FAM13A: variants seen among roughly 807,000 people sequenced by gnomAD.
FAM13A encodes the protein family with sequence similarity 13 member A, also known as protein FAM13A.
FAM13A carries 76 observed loss-of-function variants against 129.6 expected under a neutral mutation model. The observed-to-expected ratio is 0.59, with a 90% CI of 0.49 to 0.71. The LOEUF (loss-of-function observed/expected upper bound fraction) is 0.71, where lower values mean the gene tolerates loss of function less well. Ranked by LOEUF, FAM13A falls within the 30% of genes least tolerant of loss-of-function variation. The probability of loss-of-function intolerance (pLI) is 0.00; values close to 1 mark genes in which losing one functional copy is unlikely to be tolerated. For missense variants in FAM13A, 1,108 were observed against 1,249.3 expected (o/e 0.89, Z 1.70); for synonymous variants, 443 against 449.9 (o/e 0.98, Z 0.20).
At chr4:88,837,714 G>A (rs557250110) in intron 7 of FAM13A, among the ~76,000 whole-genome samples, 67 of 85,738 alleles carry the variant, frequency 7.8e-4, no homozygotes, top group Non-Finnish European at 4.2e-4. Flanking sequence ...GGGAAACTCC[G>A]TCTCAAAAAA....
chr4:88,778,560 C>A (rs1211363910), intron 11 of FAM13A, among the ~76,000 whole-genome samples: 22 of 152,194 alleles, frequency 1.4e-4, no homozygotes, highest in Non-Finnish European at 1.5e-5. Flanking sequence ...ATATAGCTGG[C>A]TCTTGTATTA....
chr4:88,954,454 G>A (rs1757425873), intron 4 of FAM13A, among the ~76,000 whole-genome samples: 1 of 152,202 alleles, frequency 6.6e-6, no homozygotes, highest in Non-Finnish European at 1.5e-5. Context: ...ACACTTCTAA[G>A]ATGCGTAAAC....
At chr4:88,937,987 C>A in intron 5 of FAM13A, 101 bp downstream of exon 5, 3 of 823,306 alleles carry the variant, frequency 3.6e-6, no homozygotes, top group Non-Finnish European at 6.0e-6. Flanking sequence ...GAATAATAAT[C>A]TGAGGGTTAT....
chr4:88,966,958 A>G (rs559071395), intron 4 of FAM13A, among the ~76,000 whole-genome samples: 1 of 152,228 alleles, frequency 6.6e-6, no homozygotes, highest in Non-Finnish European at 1.5e-5. Flanking sequence ...ATTATAGTAT[A>G]GATGTAAAGA....
At chr4:89,020,769 T>A (rs1767156216) in intron 2 of FAM13A, 100 bp from the exon 3 acceptor site, 1 of 752,544 alleles carries the variant, frequency 1.3e-6, no homozygotes. Flanking sequence ...AGCATATGAT[T>A]CTCTCAACAC....
At position 88,931,253 on chromosome 4, in the gene FAM13A, A is replaced by G. The variant is rs143818882; in HGVS notation, c.759+6835T>C. On this transcript the variant is annotated intron_variant, in intron 5 of 23. Transcript: ENST00000264344. ...GTATCTAGGCTACTCTCAAAGTGGC[A>G]TCCAGATGAGGCTGCTCTAGGCTTG... 4.4e-3 allele frequency among the ~76,000 whole-genome samples: 667 copies of G among 152,272 alleles called. 4 individuals are homozygous for G. Among genetic ancestry groups the G allele is most frequent in the African/African-American group, 0.015 (633 of 41,566 alleles).
rs150685238 is a variant in FAM13A at position 89,013,823 on chromosome 4, C to T, written c.427+6637G>A. Among the ~76,000 whole-genome samples the T allele has an allele frequency of 4.7e-3, 723 of 152,252 alleles. 1 individual carries two copies. The highest frequency in any genetic ancestry group is 8.3e-3 in the Non-Finnish European group (566 of 68,016). ...TTCATTCAAGGTCATTTTGTTCTAA[C>T]GCTGATGAGAAAAAAATAATCAATT... is the stretch of plus-strand genomic sequence containing the variant. On this transcript the variant is annotated intron_variant, in intron 3 of 23. Transcript: ENST00000264344.
chr4:88,735,946 C>T (rs1238465692), intron 21 of FAM13A, among the ~76,000 whole-genome samples: 1 of 151,872 alleles, frequency 6.6e-6, no homozygotes, highest in Non-Finnish European at 1.5e-5. Flanking sequence ...TTTGGTGAAA[C>T]CCTTATTAAG....
intron 9 of FAM13A, among the ~76,000 whole-genome samples, chr4:88,788,709 T>C (rs950507757): frequency 1.3e-5 from 2 of 152,134 alleles, no homozygotes; most frequent in Non-Finnish European, 1.5e-5. Context: ...ACCACATTAT[T>C]TCCAAATAAG....
intron 1 of FAM13A, among the ~76,000 whole-genome samples, chr4:89,055,681 G>A (rs1795733): frequency 0.59 from 89,150 of 151,968 alleles, 26,722 homozygotes; most frequent in Middle Eastern, 0.69. Flanking sequence ...CTGCAGTAAA[G>A]TAAAAGTCAG....
intron 4 of FAM13A, among the ~76,000 whole-genome samples, chr4:88,987,978 A>G (rs1026957916): frequency 2.0e-5 from 3 of 152,136 alleles, no homozygotes; most frequent in Admixed American, 2.0e-4. Flanking sequence ...AATATTCCAC[A>G]GGATGATGTC....
chr4:89,049,640 C>A (rs1259166972), intron 1 of FAM13A, among the ~76,000 whole-genome samples: 1 of 152,118 alleles, frequency 6.6e-6, no homozygotes, highest in African/African-American at 2.4e-5. Context: ...AAACATTTGA[C>A]TGAGTTCTAT....
In FAM13A at chr4:88,749,863, G is replaced by C. The variant is rs1397871441; in HGVS notation, c.1987C>G (p.Leu663Val). The C allele has an allele frequency of 6.2e-7, 1 of 1,614,098 alleles. No individual in the cohort carries two copies. The highest frequency in any genetic ancestry group is 8.5e-7 in the Non-Finnish European group (1 of 1,180,008). Residue 663 changes from leucine to valine, a missense_variant, in exon 16 of 24, where the codon CTG (leucine) becomes GTG (valine). Coordinates refer to ENST00000264344, the MANE Select transcript of FAM13A (RefSeq NM_014883.4). ...CTTCGTGTGAGCTGGGCAGGTGTCA[G>C]GTCCTCTTGCTCATCATCATAGGAC... ...LGSYDDEQED[L>V]TPAQLTRRIQ...
At chr4:88,825,759 T>C (rs1356607922) in intron 7 of FAM13A, among the ~76,000 whole-genome samples, 1 of 152,210 alleles carries the variant, frequency 6.6e-6, no homozygotes, top group African/African-American at 2.4e-5. Context: ...ATTTCACATA[T>C]ATTTCCTAAT....
At chr4:88,767,525 G>C (rs568603261) in intron 13 of FAM13A, 28 bp downstream of exon 13, 35 of 1,572,444 alleles carry the variant, frequency 2.2e-5, no homozygotes. Flanking sequence ...CCCCGTCACA[G>C]TCTTACTCTT....
At chr4:89,006,204 G>A (rs906305621) in intron 3 of FAM13A, among the ~76,000 whole-genome samples, 3 of 136,416 alleles carry the variant, frequency 2.2e-5, no homozygotes, top group Admixed American at 1.5e-4. Flanking sequence ...CTTTGTTGAA[G>A]ACCATATAGT....
At chr4:88,918,883 CA>C (rs1343555704) in intron 5 of FAM13A, among the ~76,000 whole-genome samples, 54 of 152,142 alleles carry the variant, frequency 3.5e-4, no homozygotes, top group Non-Finnish European at 7.3e-4. Context: ...TAGGCCTGGC[CA>C]TAAAAATATT....
chr4:88,819,133 CAAAT>C (rs1439276053), intron 7 of FAM13A, among the ~76,000 whole-genome samples: 4 of 152,008 alleles, frequency 2.6e-5, no homozygotes, highest in African/African-American at 9.7e-5. Flanking sequence ...CATCATAAAA[CAAAT>C]ATTCAATAAT....
At position 89,030,061 on chromosome 4, in the gene FAM13A, G is replaced by A. The variant is rs186067079; in HGVS notation, c.28-412C>T. ...AAAATTTGTCTCGGTGTCATTTTAA[G>A]GTAGCTTTAATTTAAAGTGTCAGAA... On this transcript the variant is annotated intron_variant, in intron 1 of 23. Coordinates refer to ENST00000264344, the MANE Select transcript of FAM13A (RefSeq NM_014883.4). Among the ~76,000 whole-genome samples the A allele has an allele frequency of 2.6e-3, 395 of 151,500 alleles. 1 individual carries two copies. The highest frequency in any genetic ancestry group is 6.2e-3 in the Admixed American group (94 of 15,228).
Sources: gnomAD v4.1 joint callset for allele counts (sites outside exome capture counted in the v4.1 genomes callset) on GRCh38, gnomAD v4.1.1 for gene constraint, MANE v1.5 for transcripts, NCBI Gene and HGNC (gene_info 2026-07-23, HGNC 2026-07-21) for gene names.